Variants in RAD51B observed in about 807,000 individuals in gnomAD.
RAD51B encodes RAD51 paralog B.
RAD51B carries 38 observed loss-of-function variants against 42.2 expected under a neutral mutation model. The observed-to-expected ratio is 0.90, with a 90% CI of 0.70 to 1.18. The LOEUF (loss-of-function observed/expected upper bound fraction) is 1.18, where lower values mean the gene tolerates loss of function less well. Ranked by LOEUF, RAD51B falls within the 50% of genes most tolerant of loss-of-function variation. The pLI is 0.00. For synonymous variants in RAD51B, 154 were observed against 145.2 expected, an observed-to-expected ratio of 1.06 and a Z score of -0.43; for missense variants, 373 against 400.7, an observed-to-expected ratio of 0.93 and a Z score of 0.59.
At chr14:68,571,759 T>C (rs942470581) in intron 10 of RAD51B, among the ~76,000 whole-genome samples, 1 of 151,306 alleles carries the variant, frequency 6.6e-6, no homozygotes, top group African/African-American at 2.4e-5. Context: ...TGGTTGATTG[T>C]TAGTTGTTCA....
intron 7 of RAD51B, among the ~76,000 whole-genome samples, chr14:68,093,947 C>T (rs978777505): frequency 6.6e-6 from 1 of 152,318 alleles, no homozygotes; most frequent in South Asian, 2.1e-4. Flanking sequence ...AATGGCTGCA[C>T]CAGTCTGCAG....
intron 4 of RAD51B, among the ~76,000 whole-genome samples, chr14:67,858,600 A>G (rs1019529349): frequency 6.6e-6 from 1 of 152,226 alleles, no homozygotes; most frequent in African/African-American, 2.4e-5. Flanking sequence ...ACGAATTAGG[A>G]AAGGGTAGGT....
In RAD51B at chr14:68,362,843, C is replaced by T. The variant is rs138152499; in HGVS notation, c.854-48581C>T. ...CAGCCTGGGTGACAGAGTGAGATTCCGTCTCAAAAAAAAAATTAAAAAAAA... is the reference window on the plus strand; with the variant it reads ...CAGCCTGGGTGACAGAGTGAGATTCTGTCTCAAAAAAAAAATTAAAAAAAA... On this transcript the variant is annotated intron_variant, in intron 8 of 10. Transcript: ENST00000471583. Among the ~76,000 whole-genome samples the T allele has an allele frequency of 6.4e-3, 967 of 150,460 alleles. 6 individuals carry two copies. Among genetic ancestry groups the T allele is most frequent in the Middle Eastern group, 0.027 (8 of 292 alleles).
At chr14:68,453,469 G>C (rs981676687) in intron 9 of RAD51B, among the ~76,000 whole-genome samples, 2 of 152,142 alleles carry the variant, frequency 1.3e-5, no homozygotes, top group South Asian at 4.1e-4. Context: ...CAGCAGATTG[G>C]TTTAAAATTG....
intron 10 of RAD51B, chr14:68,650,758 C>A: frequency 1.3e-6 from 1 of 749,200 alleles, no homozygotes; most frequent in East Asian, 2.4e-5. Flanking sequence ...TCCTTACAAC[C>A]TATTTACTTT....
At position 68,370,878 on chromosome 14, in the gene RAD51B, CA is replaced by C. The variant is rs576419085; in HGVS notation, c.854-40537del. 5.2e-3 allele frequency among the ~76,000 whole-genome samples: 771 copies of C among 148,482 alleles called. 4 individuals are homozygous for C. Among genetic ancestry groups the C allele is most frequent in the Non-Finnish European group, 7.2e-3 (480 of 66,900 alleles). ...TGAAACCCCATCTCTACTAAAAATA[CA>C]AAAAAAAATTAGCCGGACGTGGTGG... On this transcript the variant is annotated intron_variant, in intron 8 of 10. Transcript: ENST00000471583.
At chr14:68,050,901 T>C (rs2076382679) in intron 7 of RAD51B, among the ~76,000 whole-genome samples, 1 of 151,938 alleles carries the variant, frequency 6.6e-6, no homozygotes, top group African/African-American at 2.4e-5. Flanking sequence ...TTTATTTATT[T>C]ATAATTATAT....
At chr14:68,543,108 T>C (rs1200953374) in intron 10 of RAD51B, among the ~76,000 whole-genome samples, 1 of 152,246 alleles carries the variant, frequency 6.6e-6, no homozygotes, top group Non-Finnish European at 1.5e-5. Context: ...GCAAGCCATA[T>C]TGTCTCTGCC....
chr14:68,089,381 G>A (rs1171731082), intron 7 of RAD51B, among the ~76,000 whole-genome samples: 2 of 152,184 alleles, frequency 1.3e-5, no homozygotes, highest in Admixed American at 6.5e-5. Flanking sequence ...TAAAAGGAAC[G>A]GACCCAGCTC....
intron 9 of RAD51B, among the ~76,000 whole-genome samples, chr14:68,426,502 T>C (rs2084855046): frequency 6.6e-6 from 1 of 152,162 alleles, no homozygotes; most frequent in Non-Finnish European, 1.5e-5. Flanking sequence ...CCTTGAGGTC[T>C]TGTGAAAAGC....
chr14:67,916,120 G>C (rs1344275985), intron 7 of RAD51B, among the ~76,000 whole-genome samples: 1 of 152,148 alleles, frequency 6.6e-6, no homozygotes, highest in Non-Finnish European at 1.5e-5. Flanking sequence ...TGGCAATCTG[G>C]TTCCCAGATA....
intron 7 of RAD51B, among the ~76,000 whole-genome samples, chr14:68,078,574 T>C (rs2076868222): frequency 1.3e-5 from 2 of 152,214 alleles, no homozygotes; most frequent in Non-Finnish European, 2.9e-5. Flanking sequence ...AGATAATTAG[T>C]AGCTGACTTA....
At chr14:68,232,771 C>T (rs572811128) in intron 7 of RAD51B, among the ~76,000 whole-genome samples, 1 of 152,342 alleles carries the variant, frequency 6.6e-6, no homozygotes, top group African/African-American at 2.4e-5. Context: ...AATCCCCTAA[C>T]TTTCCAACTG....
At chr14:68,559,262 T>A (rs1389116399) in intron 10 of RAD51B, among the ~76,000 whole-genome samples, 1 of 152,120 alleles carries the variant, frequency 6.6e-6, no homozygotes, top group Non-Finnish European at 1.5e-5. Context: ...CAAACACCTG[T>A]AATTTGTACT....
chr14:67,960,094 AAAG>A (rs1376851845), intron 7 of RAD51B, among the ~76,000 whole-genome samples: 21 of 152,066 alleles, frequency 1.4e-4, no homozygotes, highest in Admixed American at 6.6e-4. Context: ...CAAAAAAAAA[AAAG>A]AAGTGTGTGT....
At chr14:68,202,897 A>G (rs1298105835) in intron 7 of RAD51B, among the ~76,000 whole-genome samples, 8 of 152,094 alleles carry the variant, frequency 5.3e-5, no homozygotes. Context: ...TCAACTTCTC[A>G]TCAGATTTTA....
intron 10 of RAD51B, among the ~76,000 whole-genome samples, chr14:68,646,004 G>A (rs1892557394): frequency 6.6e-6 from 1 of 151,736 alleles, no homozygotes; most frequent in African/African-American, 2.4e-5. Context: ...TATTCCCCGG[G>A]ACAAATTTAT....
At chr14:68,614,077 T>C (rs1244790092), downstream of RAD51B, among the ~76,000 whole-genome samples, 1 of 152,200 alleles carries the variant, frequency 6.6e-6, no homozygotes, top group Non-Finnish European at 1.5e-5. Flanking sequence ...TTTAAAGAAC[T>C]CATACTGCAG....
At chr14:68,677,383 A>AT (rs1201983972) in intron 11 of RAD51B, among the ~76,000 whole-genome samples, 2 of 152,054 alleles carry the variant, frequency 1.3e-5, no homozygotes, top group Non-Finnish European at 2.9e-5. Flanking sequence ...GCCTCTTCAC[A>AT]TTGGACATAA....
Sources: gnomAD v4.1 joint callset for allele counts (sites outside exome capture counted in the v4.1 genomes callset) on GRCh38, gnomAD v4.1.1 for gene constraint, MANE v1.5 for transcripts, NCBI Gene and HGNC (gene_info 2026-07-23, HGNC 2026-07-21) for gene names.